The following ARIH1 variants were observed in gnomAD, a reference collection of about 807,000 sequenced individuals.
ARIH1 encodes ariadne RBR E3 ubiquitin protein ligase 1.
In ARIH1, 8 loss-of-function variants were observed where a neutral mutation model predicts 85.0. That is an observed-to-expected ratio of 0.09 (90% CI 0.06 to 0.17). The LOEUF (loss-of-function observed/expected upper bound fraction) is 0.17, where lower values mean the gene tolerates loss of function less well. Among genes scored for constraint, ARIH1 ranks in the 10% least tolerant of loss-of-function variants. The pLI, the probability that ARIH1 is intolerant of heterozygous loss-of-function variation, is 1.00. For missense variants in ARIH1, 311 were observed against 718.1 expected (o/e 0.43, Z 6.48); for synonymous variants, 238 against 253.6 (o/e 0.94, Z 0.59).
Position 72,474,954 on chromosome 15 carries a change from G to A in ARIH1, c.315G>A (p.Thr105=), listed in dbSNP as rs747289846. The A allele has an allele frequency of 6.4e-7, 1 of 1,557,496 alleles. No homozygotes were observed. The highest frequency in any genetic ancestry group is 1.2e-5 in the South Asian group (1 of 84,696). Residue 105 remains threonine (T), a synonymous_variant, in exon 1 of 14, where the codon ACG becomes ACA. Transcript: ENST00000379887. ...QEEDYRYEVL[T]AEQILQHMVE... The stretch of plus-strand genomic sequence containing the variant: ...AGGATTACCGCTACGAGGTGCTCAC[G>A]GCCGAGCAGATTCTACAACACATGG...
At chr15:72,551,378 A>G (rs1417966080) in intron 3 of ARIH1, among the ~76,000 whole-genome samples, 1 of 152,248 alleles carries the variant, frequency 6.6e-6, no homozygotes, top group Non-Finnish European at 1.5e-5. Flanking sequence ...GCGGTGGAAC[A>G]GGATAGAGTC....
chr15:72,555,038 T>G (rs1208721136), intron 3 of ARIH1, among the ~76,000 whole-genome samples: 1 of 152,236 alleles, frequency 6.6e-6, no homozygotes, highest in African/African-American at 2.4e-5. Context: ...CTCATTTGTC[T>G]TTTTATATTT....
intron 2 of ARIH1, among the ~76,000 whole-genome samples, chr15:72,541,658 T>C (rs565734990): frequency 6.6e-6 from 1 of 152,162 alleles, no homozygotes; most frequent in African/African-American, 2.4e-5. Flanking sequence ...GCAGACAAAT[T>C]AGTGGAATAG....
Position 72,535,045 on chromosome 15 carries a change from G to A in ARIH1, c.444-9775G>A, listed in dbSNP as rs370041702. Among the ~76,000 whole-genome samples, 139 of 137,100 alleles carry A rather than the reference G, an allele frequency of 1.0e-3. 2 individuals carry two copies. In the East Asian group the frequency reaches 0.026, roughly 26 times the overall value. The allele number at this position is 137,100 out of a possible 152,430, so 89.9% of individuals were successfully genotyped here. ...GGCTCACTGCAGGCTCCGCCCCCTG[G>A]GGTTCATGCCATTCTCCTGCCTCAG... On this transcript the variant is annotated intron_variant, in intron 2 of 13. Transcript: ENST00000379887.
intron 3 of ARIH1, among the ~76,000 whole-genome samples, chr15:72,549,131 A>T (rs1173341106): frequency 7.1e-6 from 1 of 141,300 alleles, no homozygotes; most frequent in South Asian, 2.2e-4. Context: ...TCTGTCGCCC[A>T]GGCTGGAGTG....
chr15:72,502,201 A>G (rs1420618667), intron 1 of ARIH1, among the ~76,000 whole-genome samples: 2 of 152,216 alleles, frequency 1.3e-5, no homozygotes, highest in East Asian at 3.8e-4. Flanking sequence ...ACATAGTGAT[A>G]ACATCCTTCT....
chr15:72,542,925 ATC>A (rs962131825), intron 2 of ARIH1, among the ~76,000 whole-genome samples: 1 of 149,438 alleles, frequency 6.7e-6, no homozygotes, highest in Non-Finnish European at 1.5e-5. Flanking sequence ...ATTTTATATT[ATC>A]TTTTTTTTTT....
chr15:72,517,181 A>G (rs2063978802), intron 1 of ARIH1, among the ~76,000 whole-genome samples: 1 of 152,132 alleles, frequency 6.6e-6, no homozygotes, highest in African/African-American at 2.4e-5. Flanking sequence ...GTGGTACAGT[A>G]TTTTTTCATT....
At chr15:72,503,036 T>C (rs1051197694) in intron 1 of ARIH1, among the ~76,000 whole-genome samples, 25 of 152,320 alleles carry the variant, frequency 1.6e-4, no homozygotes, top group Admixed American at 7.8e-4. Context: ...TTTTAAGCCA[T>C]CTAGAGATTG....
chr15:72,582,593 A>G lies in ARIH1; in HGVS notation c.1589+406A>G, dbSNP rs2064299108. Among the ~76,000 whole-genome samples, 1 of 150,592 alleles carries G rather than the reference A, an allele frequency of 6.6e-6. No homozygotes were observed. Among genetic ancestry groups the G allele is most frequent in the Non-Finnish European group, 1.5e-5 (1 of 67,892 alleles). On this transcript the variant is annotated intron_variant, in intron 13 of 13. Coordinates refer to ENST00000379887, the MANE Select transcript of ARIH1 (RefSeq NM_005744.5). This position sits in a 1 kb window ranked among gnomAD's most constrained non-coding sequence, Gnocchi z 4.6. ...TTTAGAGTTTTTATTACATATATATATATATATTTTTTTAATCTAAGGAGA... is the reference window on the plus strand; with the variant it reads ...TTTAGAGTTTTTATTACATATATATGTATATATTTTTTTAATCTAAGGAGA...
intron 11 of ARIH1, among the ~76,000 whole-genome samples, chr15:72,576,611 A>T (rs2064272655): frequency 6.6e-6 from 1 of 151,874 alleles, no homozygotes; most frequent in East Asian, 1.9e-4. Flanking sequence ...TTATCTTTTT[A>T]AAAGTCCATT....
chr15:72,530,010 T>A (rs756814246), intron 2 of ARIH1, among the ~76,000 whole-genome samples: 3 of 152,206 alleles, frequency 2.0e-5, no homozygotes, highest in Non-Finnish European at 4.4e-5. Flanking sequence ...TGAGCTGTTT[T>A]AACTATCCAG....
At chr15:72,538,288 C>T (rs942929085) in intron 2 of ARIH1, among the ~76,000 whole-genome samples, 1 of 152,056 alleles carries the variant, frequency 6.6e-6, no homozygotes, top group South Asian at 2.1e-4. Context: ...TGTTTGAACC[C>T]GGGAGGTGGA....
intron 5 of ARIH1, among the ~76,000 whole-genome samples, chr15:72,559,561 G>A (rs2064189253): frequency 6.6e-6 from 1 of 152,052 alleles, no homozygotes; most frequent in Non-Finnish European, 1.5e-5. Flanking sequence ...GTGAGCAACC[G>A]CACATGGCCA....
chr15:72,570,668 C>T (rs1347744006), intron 10 of ARIH1, among the ~76,000 whole-genome samples: 1 of 152,156 alleles, frequency 6.6e-6, no homozygotes, highest in Non-Finnish European at 1.5e-5. Context: ...AAATTGAAAA[C>T]TCAGATGCTG....
chr15:72,526,056 T>C (rs1213770377), intron 2 of ARIH1, among the ~76,000 whole-genome samples: 2 of 152,216 alleles, frequency 1.3e-5, no homozygotes, highest in Non-Finnish European at 2.9e-5. Flanking sequence ...AGTCTACATA[T>C]AGCCCATAAG....
At chr15:72,536,078 G>T (rs1481307017) in intron 2 of ARIH1, among the ~76,000 whole-genome samples, 1 of 152,184 alleles carries the variant, frequency 6.6e-6, no homozygotes. Flanking sequence ...TCATAAGCCA[G>T]AAGTCGTAGA....
intron 7 of ARIH1, 97 bp downstream of exon 7, chr15:72,563,597 C>T (rs950774483): frequency 7.6e-5 from 76 of 1,001,950 alleles, no homozygotes; most frequent in South Asian, 3.0e-4. Context: ...AAGTGTTTAC[C>T]TTAGGCAGGG....
Position 72,518,062 on chromosome 15 carries a change from T to C in ARIH1, c.376-5T>C. 4 of 1,605,956 alleles carry C rather than the reference T, an allele frequency of 2.5e-6. No individual in the cohort carries two copies. Among genetic ancestry groups the C allele is most frequent in the Non-Finnish European group, 3.4e-6 (4 of 1,174,384 alleles). ...AAAATGACTTTTTTTCCCCTCCTTC[T>C]TTAGAATCCAGCAACTATCACAAGA... On this transcript the variant is annotated splice_polypyrimidine_tract_variant and splice_region_variant and intron_variant, in intron 1 of 13. Transcript: ENST00000379887.
Sources: allele counts gnomAD v4.1 joint callset (sites outside exome capture counted in the v4.1 genomes callset), GRCh38; gene constraint gnomAD v4.1.1; non-coding constraint Gnocchi (gnomAD v3.1); transcripts MANE v1.5; gene names NCBI Gene and HGNC (gene_info 2026-07-23, HGNC 2026-07-21).